The following WDR49 variants were observed in gnomAD, a reference collection of about 807,000 sequenced individuals.
The protein encoded by WDR49 is WD repeat domain 49.
A neutral mutation model predicts 119.5 loss-of-function variants in WDR49; 107 were observed. That is an observed-to-expected ratio of 0.90 (90% CI 0.77 to 1.05). The LOEUF is 1.05. Among genes scored for constraint, WDR49 ranks in the 50% least tolerant of loss-of-function variants. The pLI, the probability that WDR49 is intolerant of heterozygous loss-of-function variation, is 0.00. For missense variants in WDR49, 1,240 were observed against 1,220.5 expected, an observed-to-expected ratio of 1.02 and a Z score of -0.24; for synonymous variants, 425 against 418.8, an observed-to-expected ratio of 1.01 and a Z score of -0.18.
chr3:167,552,537 T>A (rs574747953), intron 10 of WDR49, among the ~76,000 whole-genome samples: 2 of 152,096 alleles, frequency 1.3e-5, no homozygotes, highest in East Asian at 3.9e-4. Context: ...GGCAATTAAT[T>A]GAAGTTCCAA....
intron 7 of WDR49, among the ~76,000 whole-genome samples, chr3:167,593,467 T>C (rs1005049442): frequency 1.3e-5 from 2 of 151,998 alleles, no homozygotes; most frequent in Admixed American, 6.6e-5. Flanking sequence ...ACAATGTTAA[T>C]GTCTTTGTTA....
chr3:167,646,986 G>A (rs529400071), intron 2 of WDR49, among the ~76,000 whole-genome samples: 1 of 152,264 alleles, frequency 6.6e-6, no homozygotes, highest in South Asian at 2.1e-4. Flanking sequence ...CCTATTTCTA[G>A]CAATAGAGTG....
At chr3:167,508,943 T>C (rs1485113842) in intron 16 of WDR49, among the ~76,000 whole-genome samples, 1 of 152,200 alleles carries the variant, frequency 6.6e-6, no homozygotes, top group Non-Finnish European at 1.5e-5. Flanking sequence ...AATTAGGTAA[T>C]CAATAGCATT....
At chr3:167,590,813 G>GT (rs1321063751) in intron 7 of WDR49, among the ~76,000 whole-genome samples, 1 of 151,662 alleles carries the variant, frequency 6.6e-6, no homozygotes. Flanking sequence ...TGGCTAGAAA[G>GT]TTAGTCTGGC....
chr3:167,641,922 G>C (rs1356210237), intron 2 of WDR49, among the ~76,000 whole-genome samples: 1 of 142,012 alleles, frequency 7.0e-6, no homozygotes, highest in Non-Finnish European at 1.6e-5. Context: ...GTTTATGTGA[G>C]AGAGAAAAAA....
At chr3:167,617,685 A>G (rs1716667480) in intron 5 of WDR49, among the ~76,000 whole-genome samples, 1 of 152,136 alleles carries the variant, frequency 6.6e-6, no homozygotes, top group Non-Finnish European at 1.5e-5. Flanking sequence ...GGGATCTGTA[A>G]TCTTCAAATA....
chr3:167,564,886 A>T (rs1466540000), intron 8 of WDR49, among the ~76,000 whole-genome samples: 1 of 151,892 alleles, frequency 6.6e-6, no homozygotes, highest in African/African-American at 2.4e-5. Flanking sequence ...TTTTATGTGC[A>T]TTTCAAGTCC....
chr3:167,629,214 T>C (rs1717259993), intron 2 of WDR49, among the ~76,000 whole-genome samples: 1 of 152,124 alleles, frequency 6.6e-6, no homozygotes, highest in South Asian at 2.1e-4. Context: ...ATTGTGCCAC[T>C]GCACTCCAGC....
chr3:167,501,026 C>G (rs1199240026), intron 17 of WDR49, among the ~76,000 whole-genome samples: 1 of 152,188 alleles, frequency 6.6e-6, no homozygotes. Context: ...CAGTGGATTT[C>G]AAACTACAAC....
chr3:167,551,911 A>G (rs1442003241), intron 10 of WDR49, among the ~76,000 whole-genome samples: 1 of 151,964 alleles, frequency 6.6e-6, no homozygotes, highest in African/African-American at 2.4e-5. Context: ...ACAAAGACAA[A>G]ATGGGGACAT....
At chr3:167,485,753 T>G (rs1750896652) in intron 18 of WDR49, among the ~76,000 whole-genome samples, 1 of 151,930 alleles carries the variant, frequency 6.6e-6, no homozygotes, top group Admixed American at 6.6e-5. Context: ...AACTATGAGA[T>G]TATATAAAGA....
intron 7 of WDR49, among the ~76,000 whole-genome samples, chr3:167,586,550 A>G (rs1401442790): frequency 6.6e-6 from 1 of 152,228 alleles, no homozygotes; most frequent in African/African-American, 2.4e-5. Flanking sequence ...TGACCAAAAC[A>G]TGTTTCAATC....
At chr3:167,546,503 A>G (rs1349280907) in intron 10 of WDR49, among the ~76,000 whole-genome samples, 1 of 151,764 alleles carries the variant, frequency 6.6e-6, no homozygotes, top group Non-Finnish European at 1.5e-5. Context: ...AGTCTGAGAG[A>G]CTTGTTTTCC....
chr3:167,560,014 G>A (rs549917345), intron 9 of WDR49, 50 bp downstream of exon 9: 1 of 1,589,058 alleles, frequency 6.3e-7, no homozygotes, highest in Non-Finnish European at 8.6e-7. Context: ...TTCTGGCATA[G>A]TATTTTAGTC....
At chr3:167,641,369 C>CT (rs1468523645) in intron 2 of WDR49, among the ~76,000 whole-genome samples, 1 of 151,844 alleles carries the variant, frequency 6.6e-6, no homozygotes, top group African/African-American at 2.4e-5. Flanking sequence ...GTAAGTACCA[C>CT]TTTTTCTGTG....
intron 16 of WDR49, among the ~76,000 whole-genome samples, chr3:167,516,844 T>C (rs1318633947): frequency 6.6e-6 from 1 of 152,090 alleles, no homozygotes. Context: ...ATCCAGAATC[T>C]ACAATGAACT....
In WDR49 at chr3:167,527,813, T is replaced by G; in HGVS notation, c.2604+7A>C. ...ATACTAGAATAATAAAGAAGCAATATTTCTACCTGACCAAAGATCCAAACA... is the reference window on the plus strand; with the variant it reads ...ATACTAGAATAATAAAGAAGCAATAGTTCTACCTGACCAAAGATCCAAACA... On this transcript the variant is annotated splice_region_variant and intron_variant, in intron 15 of 18. Transcript: ENST00000682715. 6.2e-7 allele frequency: 1 copy of G among 1,611,228 alleles called. No individual in the cohort carries two copies. The highest frequency in any genetic ancestry group is 8.5e-7 in the Non-Finnish European group (1 of 1,178,786).
intron 18 of WDR49, among the ~76,000 whole-genome samples, chr3:167,487,382 G>T (rs530408617): frequency 2.0e-5 from 3 of 152,132 alleles, no homozygotes; most frequent in South Asian, 2.1e-4. Flanking sequence ...ATTAACTAAG[G>T]TTGAATTAAA....
At chr3:167,535,921 G>T (rs1258978344) in intron 11 of WDR49, among the ~76,000 whole-genome samples, 1 of 152,098 alleles carries the variant, frequency 6.6e-6, no homozygotes, top group African/African-American at 2.4e-5. Context: ...ATAAAAGCTT[G>T]TCATTTGCAG....
Sources: allele counts gnomAD v4.1 joint callset (sites outside exome capture counted in the v4.1 genomes callset), GRCh38; gene constraint gnomAD v4.1.1; transcripts MANE v1.5; gene names NCBI Gene and HGNC (gene_info 2026-07-23, HGNC 2026-07-21).